Variants in MIPEP observed in about 807,000 individuals in gnomAD.
MIPEP encodes mitochondrial intermediate peptidase.
A neutral mutation model predicts 90.3 loss-of-function variants in MIPEP; 79 were observed. The ratio of observed to expected loss-of-function variants is 0.87; its 90% CI spans 0.73 to 1.05. MIPEP has a LOEUF of 1.05. Among genes scored for constraint, MIPEP ranks in the 50% least tolerant of loss-of-function variants. The pLI, the probability that MIPEP is intolerant of heterozygous loss-of-function variation, is 0.00. For missense variants in MIPEP, 940 were observed against 905.6 expected, an observed-to-expected ratio of 1.04 and a Z score of -0.49; for synonymous variants, 334 against 315.8, an observed-to-expected ratio of 1.06 and a Z score of -0.61.
intron 16 of MIPEP, among the ~76,000 whole-genome samples, chr13:23,801,664 C>CA (rs2137393587): frequency 6.6e-6 from 1 of 152,272 alleles, no homozygotes; most frequent in South Asian, 2.1e-4. Context: ...CTTAGTTTTG[C>CA]ATCACTCTGA....
chr13:23,734,447 A>G (rs900869561), intron 18 of MIPEP, among the ~76,000 whole-genome samples: 5 of 152,206 alleles, frequency 3.3e-5, no homozygotes, highest in African/African-American at 1.2e-4. Context: ...TGAGTCAAGG[A>G]AACTTATTTT....
chr13:23,863,034 A>G (rs970128309), intron 8 of MIPEP, among the ~76,000 whole-genome samples: 1 of 152,222 alleles, frequency 6.6e-6, no homozygotes, highest in Non-Finnish European at 1.5e-5. Flanking sequence ...AAATTTTAGA[A>G]TTTATAAACA....
intron 16 of MIPEP, among the ~76,000 whole-genome samples, chr13:23,782,052 A>T (rs987926066): frequency 1.3e-5 from 2 of 152,220 alleles, no homozygotes; most frequent in African/African-American, 4.8e-5. Context: ...TCAACAAGAC[A>T]GAAAGTTAAC....
chr13:23,751,510 T>C (rs1952440765), intron 18 of MIPEP, among the ~76,000 whole-genome samples: 1 of 152,260 alleles, frequency 6.6e-6, no homozygotes, highest in Middle Eastern at 3.2e-3. Flanking sequence ...AAAGTTATTA[T>C]TTAGTATCTC....
chr13:23,739,762 T>C lies in MIPEP; in HGVS notation c.2045-9317A>G, dbSNP rs1388283821. Among the ~76,000 whole-genome samples, 4 of 152,088 alleles carry C rather than the reference T, an allele frequency of 2.6e-5. No individual in the cohort carries two copies. The East Asian group carries it at 7.7e-4, about 29-fold the overall frequency. ...CAGCAAGCAGAAACATGACTACTCC[T>C]GACTCCACTTCAGACTGAACGTCTG... is the stretch of plus-strand genomic sequence containing the variant. On this transcript the variant is annotated intron_variant, in intron 18 of 18. Coordinates refer to ENST00000382172, the MANE Select transcript of MIPEP (RefSeq NM_005932.4).
intron 16 of MIPEP, among the ~76,000 whole-genome samples, chr13:23,777,603 C>T (rs933951613): frequency 6.6e-6 from 1 of 152,092 alleles, no homozygotes; most frequent in Non-Finnish European, 1.5e-5. Context: ...AACTTACGAA[C>T]ATAAACTATT....
chr13:23,757,130 A>G (rs1952497561), intron 17 of MIPEP, among the ~76,000 whole-genome samples: 2 of 152,128 alleles, frequency 1.3e-5, no homozygotes, highest in Non-Finnish European at 2.9e-5. Flanking sequence ...TTGTTTTTCT[A>G]CAACTAGATG....
chr13:23,827,037 T>C (rs1433908278), intron 14 of MIPEP, among the ~76,000 whole-genome samples: 1 of 152,202 alleles, frequency 6.6e-6, no homozygotes, highest in Non-Finnish European at 1.5e-5. Context: ...TGATTTAAAG[T>C]ATACAGCAGG....
At position 23,870,407 on chromosome 13, in the gene MIPEP, G is replaced by T. The variant is rs534280014; in HGVS notation, c.604-212C>A. 1.8e-4 allele frequency among the ~76,000 whole-genome samples: 28 copies of T among 151,818 alleles called. No individual in the cohort carries two copies. In the South Asian group the frequency reaches 5.9e-3, roughly 32 times the overall value. Reference sequence around the variant, plus strand: ...CAGATATTTAATATTCTAACAAAAAGATCATACTTATGGTTTTCTGATGTT... The same window carrying T: ...CAGATATTTAATATTCTAACAAAAATATCATACTTATGGTTTTCTGATGTT... On this transcript the variant is annotated intron_variant, in intron 5 of 18. Transcript: ENST00000382172.
chr13:23,833,431 T>A lies in MIPEP; in HGVS notation c.1653+2809A>T, dbSNP rs528094970. On this transcript the variant is annotated intron_variant, in intron 14 of 18. Coordinates refer to ENST00000382172, the MANE Select transcript of MIPEP (RefSeq NM_005932.4). ...AAGTCCCTTAAGGGCACTGGATCCA[T>A]CTTCTGTGTCTGAAACTTGAATTAA... Among the ~76,000 whole-genome samples, 7 of 152,334 alleles carry A rather than the reference T, an allele frequency of 4.6e-5. No individual in the cohort carries two copies. In the South Asian group the frequency reaches 6.2e-4, roughly 14 times the overall value.
At chr13:23,879,172 C>CAACAGAGGCTGCAAG in intron 4 of MIPEP, 96 bp downstream of exon 4, 1 of 735,894 alleles carries the variant, frequency 1.4e-6, no homozygotes, top group Non-Finnish European at 2.4e-6. Context: ...ACATTCCAGA[C>CAACAGAGGCTGCAAG]AACAGAGGCT....
At chr13:23,790,590 G>A (rs982174175) in intron 16 of MIPEP, among the ~76,000 whole-genome samples, 6 of 15,998 alleles carry the variant, frequency 3.8e-4, no homozygotes, top group Non-Finnish European at 1.1e-3. Flanking sequence ...AGTAGAAGGA[G>A]GGGGAGGCAA....
chr13:23,767,561 C>T (rs147121297), intron 16 of MIPEP, among the ~76,000 whole-genome samples: 2,827 of 151,936 alleles, frequency 0.019, 94 homozygotes, highest in African/African-American at 0.065. Context: ...AAGCGATTCT[C>T]CTGCCTCAGC....
intron 16 of MIPEP, among the ~76,000 whole-genome samples, chr13:23,762,828 T>G (rs1206936203): frequency 6.6e-6 from 1 of 152,116 alleles, no homozygotes; most frequent in Non-Finnish European, 1.5e-5. Context: ...GTACCATGAA[T>G]ACACAACCAA....
chr13:23,748,434 G>A (rs1952406672), intron 18 of MIPEP, among the ~76,000 whole-genome samples: 1 of 152,156 alleles, frequency 6.6e-6, no homozygotes, highest in Admixed American at 6.5e-5. Context: ...AATACATGTT[G>A]AAATTAGGAA....
At chr13:23,759,647 G>A (rs1952519028) in intron 17 of MIPEP, among the ~76,000 whole-genome samples, 1 of 152,160 alleles carries the variant, frequency 6.6e-6, no homozygotes, top group Non-Finnish European at 1.5e-5. Context: ...GGGAAAGCAG[G>A]ACTACTGATC....
At chr13:23,745,029 C>A (rs186800833) in intron 18 of MIPEP, among the ~76,000 whole-genome samples, 156 of 152,212 alleles carry the variant, frequency 1.0e-3, no homozygotes, top group African/African-American at 3.6e-3. Context: ...TTCCTCCTGA[C>A]CCTAAAGCTT....
At chr13:23,764,184 A>G (rs908559771) in intron 16 of MIPEP, among the ~76,000 whole-genome samples, 1 of 152,194 alleles carries the variant, frequency 6.6e-6, no homozygotes, top group Non-Finnish European at 1.5e-5. Flanking sequence ...TTACGGTGAG[A>G]GACATAGATT....
chr13:23,811,744 C>T (rs949375614), intron 14 of MIPEP, among the ~76,000 whole-genome samples: 2 of 152,278 alleles, frequency 1.3e-5, no homozygotes, highest in South Asian at 2.1e-4. Context: ...AGATGCTACC[C>T]GGTCCTGAGA....
Sources: allele counts gnomAD v4.1 joint callset (sites outside exome capture counted in the v4.1 genomes callset), GRCh38; gene constraint gnomAD v4.1.1; transcripts MANE v1.5; gene names NCBI Gene and HGNC (gene_info 2026-07-23, HGNC 2026-07-21).